The following MAGI1 variants were observed in gnomAD, a reference collection of about 807,000 sequenced individuals.
MAGI1 encodes the protein membrane-associated guanylate kinase, WW and PDZ domain-containing protein 1.
In MAGI1, 58 loss-of-function variants were observed where a neutral mutation model predicts 139.9. The ratio of observed to expected loss-of-function variants is 0.41; its 90% CI spans 0.34 to 0.52. MAGI1 has a LOEUF of 0.52. Among genes scored for constraint, MAGI1 ranks in the 20% least tolerant of loss-of-function variants. MAGI1 has a pLI of 0.12. For synonymous variants in MAGI1, 812 were observed against 737.9 expected (o/e 1.10, Z -1.63); for missense variants, 1,874 against 1,901.6 (o/e 0.99, Z 0.27).
chr3:65,414,668 T>C (rs1343237896), intron 12 of MAGI1, among the ~76,000 whole-genome samples: 2 of 152,124 alleles, frequency 1.3e-5, no homozygotes, highest in Non-Finnish European at 1.5e-5. Context: ...TGATCCTAAG[T>C]TGCCAATTCT....
At chr3:65,537,716 G>T (rs1022620942) in intron 2 of MAGI1, among the ~76,000 whole-genome samples, 1 of 152,128 alleles carries the variant, frequency 6.6e-6, no homozygotes, top group African/African-American at 2.4e-5. Flanking sequence ...GATTTTTTAA[G>T]TGAATGCAAA....
chr3:65,683,093 A>G (rs1253790351), intron 1 of MAGI1, among the ~76,000 whole-genome samples: 5 of 152,052 alleles, frequency 3.3e-5, no homozygotes, highest in Non-Finnish European at 2.9e-5. Flanking sequence ...GAGCTCAGGG[A>G]GTAATGCTTG....
At chr3:65,895,831 G>A (rs1331194003) in intron 1 of MAGI1, among the ~76,000 whole-genome samples, 2 of 152,134 alleles carry the variant, frequency 1.3e-5, no homozygotes, top group African/African-American at 4.8e-5. Context: ...AACTATAGCT[G>A]GCATTAAATC....
chr3:65,537,047 G>T (rs1409591655), intron 2 of MAGI1, among the ~76,000 whole-genome samples: 1 of 152,188 alleles, frequency 6.6e-6, no homozygotes, highest in African/African-American at 2.4e-5. Context: ...AAGTGAAATA[G>T]AAGTGTTACG....
intron 1 of MAGI1, among the ~76,000 whole-genome samples, chr3:65,741,722 T>C (rs1304488308): frequency 6.6e-6 from 1 of 152,190 alleles, no homozygotes; most frequent in Non-Finnish European, 1.5e-5. Flanking sequence ...CTGAGGAATA[T>C]ACCCTAGGAT....
intron 5 of MAGI1, among the ~76,000 whole-genome samples, chr3:65,467,690 C>T (rs941654978): frequency 6.6e-6 from 1 of 152,174 alleles, no homozygotes; most frequent in African/African-American, 2.4e-5. Flanking sequence ...ATCCACCTTC[C>T]CTTTTTCCAA....
chr3:65,473,368 A>T (rs1176700573), intron 4 of MAGI1, among the ~76,000 whole-genome samples: 1 of 152,168 alleles, frequency 6.6e-6, no homozygotes, highest in Admixed American at 6.6e-5. Flanking sequence ...TAAGAACAGA[A>T]TTAACACATG....
At chr3:65,736,168 T>C (rs2034709535) in intron 1 of MAGI1, among the ~76,000 whole-genome samples, 1 of 152,246 alleles carries the variant, frequency 6.6e-6, no homozygotes, top group Non-Finnish European at 1.5e-5. Flanking sequence ...TATGGTTTTC[T>C]ATGGGTCTTG....
intron 1 of MAGI1, among the ~76,000 whole-genome samples, chr3:65,931,040 T>C (rs1193416487): frequency 8.2e-6 from 1 of 121,774 alleles, no homozygotes; most frequent in Admixed American, 8.9e-5. Flanking sequence ...TGCTTGCTTC[T>C]TTTTTTTTTT....
At chr3:65,798,591 C>A (rs1387980923) in intron 1 of MAGI1, among the ~76,000 whole-genome samples, 3 of 152,050 alleles carry the variant, frequency 2.0e-5, no homozygotes, top group Admixed American at 6.6e-5. Context: ...TTAAACTTCG[C>A]AGATTCATGC....
intron 1 of MAGI1, among the ~76,000 whole-genome samples, chr3:65,993,602 T>G (rs1303162955): frequency 6.6e-6 from 1 of 152,248 alleles, no homozygotes; most frequent in Non-Finnish European, 1.5e-5. Flanking sequence ...ACACCCTTGA[T>G]ACGCTTAATT....
chr3:65,663,370 T>C (rs1414823323), intron 1 of MAGI1, among the ~76,000 whole-genome samples: 1 of 152,212 alleles, frequency 6.6e-6, no homozygotes, highest in Non-Finnish European at 1.5e-5. Context: ...TCTGGACTGA[T>C]AATGGTTTTA....
chr3:66,013,321 T>G (rs939007303), intron 1 of MAGI1, among the ~76,000 whole-genome samples: 21 of 151,134 alleles, frequency 1.4e-4, no homozygotes, highest in Admixed American at 5.3e-4. Context: ...GAGAATCACT[T>G]GTACCCAGGT....
At chr3:65,685,309 T>C (rs1351708061) in intron 1 of MAGI1, among the ~76,000 whole-genome samples, 2 of 148,174 alleles carry the variant, frequency 1.3e-5, no homozygotes, top group Non-Finnish European at 3.0e-5. Context: ...TATTTCTTCA[T>C]TTAAAAAAAA....
At chr3:65,459,725 C>T (rs1949647386) in intron 5 of MAGI1, among the ~76,000 whole-genome samples, 1 of 152,006 alleles carries the variant, frequency 6.6e-6, no homozygotes, top group Non-Finnish European at 1.5e-5. Flanking sequence ...GAGTTGGAGA[C>T]CAGCCTGGGC....
chr3:65,807,646 C>T (rs2040946392), intron 1 of MAGI1, among the ~76,000 whole-genome samples: 1 of 152,172 alleles, frequency 6.6e-6, no homozygotes, highest in Admixed American at 6.5e-5. Flanking sequence ...GGGAACCCAG[C>T]AACCGGCTAT....
chr3:65,544,635 T>C (rs1400972650), intron 2 of MAGI1, among the ~76,000 whole-genome samples: 1 of 152,144 alleles, frequency 6.6e-6, no homozygotes. Flanking sequence ...GGAGGATGTG[T>C]GGTCTTTTTT....
chr3:65,984,549 T>TGTGTGTGTGTGTGTGA (rs1365094861), intron 1 of MAGI1, among the ~76,000 whole-genome samples: 4 of 143,462 alleles, frequency 2.8e-5, no homozygotes, highest in South Asian at 2.2e-4. Context: ...TGTGTGTGTG[T>TGTGTGTGTGTGTGTGA]GACAGGGTCT....
chr3:65,796,834 A>T (rs1176005728), intron 1 of MAGI1, among the ~76,000 whole-genome samples: 1 of 152,206 alleles, frequency 6.6e-6, no homozygotes, highest in African/African-American at 2.4e-5. Flanking sequence ...ACTATACATG[A>T]CAAATGGGAA....
Sources: allele counts gnomAD v4.1 joint callset (sites outside exome capture counted in the v4.1 genomes callset), GRCh38; gene constraint gnomAD v4.1.1; transcripts MANE v1.5; gene names NCBI Gene and HGNC (gene_info 2026-07-23, HGNC 2026-07-21).